The following MMP16 variants were observed in gnomAD, a reference collection of about 807,000 sequenced individuals.
MMP16 encodes matrix metalloproteinase-16.
Under a neutral mutation model 67.8 loss-of-function variants are expected in MMP16, and 12 were observed. That is an observed-to-expected ratio of 0.18 (90% confidence interval 0.11 to 0.29). The LOEUF is 0.29. MMP16 is among the 10% of genes least tolerant of loss of function. The pLI is 1.00. For missense variants in MMP16, 475 were observed against 765.7 expected, an observed-to-expected ratio of 0.62 and a Z score of 4.48; for synonymous variants, 249 against 255.9, an observed-to-expected ratio of 0.97 and a Z score of 0.26.
chr8:88,295,598 CT>C (rs1810999391), intron 1 of MMP16, among the ~76,000 whole-genome samples: 1 of 149,338 alleles, frequency 6.7e-6, no homozygotes, highest in Non-Finnish European at 1.5e-5. Flanking sequence ...GAGTGATGAT[CT>C]CAAGTTTCCA....
intron 1 of MMP16, among the ~76,000 whole-genome samples, chr8:88,250,590 ATATC>A (rs1394265714): frequency 1.3e-5 from 2 of 151,946 alleles, no homozygotes; most frequent in African/African-American, 4.8e-5. Flanking sequence ...ATCATGAACA[ATATC>A]TATCCTATAC....
chr8:88,036,312 C>G lies in MMP16; in HGVS notation c.*5149G>C, dbSNP rs931516529. ...GATTTTTTTCCTCCACTATTTTATGCTTGCTAAAGTAAAATTTCCAGTTGT... is the reference window on the plus strand; with the variant it reads ...GATTTTTTTCCTCCACTATTTTATGGTTGCTAAAGTAAAATTTCCAGTTGT... On this transcript the variant is annotated 3_prime_UTR_variant, in exon 10 of 10. Coordinates refer to ENST00000286614, the MANE Select transcript of MMP16 (RefSeq NM_005941.5). The G allele has an allele frequency of 1.3e-5, 2 of 151,734 alleles. No individual in the cohort carries two copies. Among genetic ancestry groups the G allele is most frequent in the African/African-American group, 4.8e-5 (2 of 41,378 alleles). 9.4% of individuals were successfully genotyped at this position (151,734 alleles called of 1,614,324 possible).
At chr8:88,289,721 CA>C (rs1563585469) in intron 1 of MMP16, among the ~76,000 whole-genome samples, 9 of 151,532 alleles carry the variant, frequency 5.9e-5, no homozygotes, top group South Asian at 2.1e-4. Flanking sequence ...CACACACACA[CA>C]CACACACACC....
At chr8:88,053,363 T>C (rs1196630088) in intron 8 of MMP16, among the ~76,000 whole-genome samples, 3 of 152,226 alleles carry the variant, frequency 2.0e-5, no homozygotes, top group Non-Finnish European at 4.4e-5. Context: ...CTGGAGTTTT[T>C]GCACTTTCCA....
At chr8:88,188,000 G>C (rs1325378201) in intron 2 of MMP16, among the ~76,000 whole-genome samples, 1 of 152,124 alleles carries the variant, frequency 6.6e-6, no homozygotes, top group Non-Finnish European at 1.5e-5. Context: ...GAGATCAGAG[G>C]CCTCTCATTT....
Position 88,116,542 on chromosome 8 carries a change from G to A in MMP16, c.1048C>T (p.Leu350=). ...PNICDGNFNT[L]AILRREMFVF... ...AACATCTCACGACGAAGAATAGCTA[G>A]AGTGTTAAAGTTCCCATCACAGATG... Residue 350 remains leucine (L), a synonymous_variant, in exon 6 of 10, where the codon CTA becomes TTA. Coordinates refer to ENST00000286614, the MANE Select transcript of MMP16 (RefSeq NM_005941.5). 1 of 1,613,638 alleles carries A rather than the reference G, an allele frequency of 6.2e-7. No homozygotes were observed. The highest frequency in any genetic ancestry group is 1.7e-4 in the Middle Eastern group (1 of 6,060).
intron 1 of MMP16, among the ~76,000 whole-genome samples, chr8:88,323,229 T>C (rs1811487141): frequency 6.6e-6 from 1 of 152,282 alleles, no homozygotes. Flanking sequence ...AACATAAGAA[T>C]GTAAAATTCT....
intron 1 of MMP16, among the ~76,000 whole-genome samples, chr8:88,255,447 A>G (rs1563575247): frequency 6.6e-6 from 1 of 152,154 alleles, no homozygotes; most frequent in South Asian, 2.1e-4. Context: ...TCTTTATAGC[A>G]GTGTAACAGA....
chr8:88,067,361 T>A (rs986885120), intron 7 of MMP16, among the ~76,000 whole-genome samples: 1 of 152,112 alleles, frequency 6.6e-6, no homozygotes, highest in African/African-American at 2.4e-5. Context: ...TCAGTATATT[T>A]AAATGTATGA....
intron 1 of MMP16, among the ~76,000 whole-genome samples, chr8:88,215,273 T>A (rs1204882751): frequency 6.6e-6 from 1 of 151,638 alleles, no homozygotes; most frequent in Admixed American, 6.6e-5. Flanking sequence ...GAGGTTGCAG[T>A]GAGCTGAGAT....
intron 4 of MMP16, among the ~76,000 whole-genome samples, chr8:88,137,507 C>G (rs777072336): frequency 1.2e-4 from 18 of 151,914 alleles, no homozygotes; most frequent in Non-Finnish European, 2.5e-4. Context: ...CCTCTTCTGA[C>G]TGCATTTAAG....
intron 1 of MMP16, among the ~76,000 whole-genome samples, chr8:88,325,660 C>T (rs1309580753): frequency 1.3e-5 from 2 of 152,144 alleles, no homozygotes; most frequent in African/African-American, 4.8e-5. Context: ...AAAGTCTGGA[C>T]TTTCAAGCCC....
At chr8:88,112,693 A>G (rs373907650) in intron 6 of MMP16, among the ~76,000 whole-genome samples, 208 of 24,378 alleles carry the variant, frequency 8.5e-3, no homozygotes, top group Non-Finnish European at 0.013. Flanking sequence ...GTCTGTGTGT[A>G]TGTATGTATG....
chr8:88,272,315 T>A (rs959053324), intron 1 of MMP16, among the ~76,000 whole-genome samples: 6 of 152,156 alleles, frequency 3.9e-5, no homozygotes, highest in Admixed American at 3.9e-4. Flanking sequence ...TGAACAAGAA[T>A]AAAGTTATGT....
chr8:88,061,127 TACAC>T (rs149547108), intron 7 of MMP16, among the ~76,000 whole-genome samples: 9,552 of 143,028 alleles, frequency 0.067, 627 homozygotes, highest in African/African-American at 0.15. Flanking sequence ...CTGAATATTA[TACAC>T]ACACACACAC....
Position 88,197,861 on chromosome 8 carries a change from T to A in MMP16, c.133-555A>T, listed in dbSNP as rs141517089. 2.3e-3 allele frequency among the ~76,000 whole-genome samples: 357 copies of A among 152,312 alleles called. 1 individual carries two copies. Among genetic ancestry groups the A allele is most frequent in the African/African-American group, 8.3e-3 (343 of 41,572 alleles). ...CATTCTATCCAATCGTAGCTAGGTATCTTTTGATGACTTTACCAGGTAAAG... is the reference window on the plus strand; with the variant it reads ...CATTCTATCCAATCGTAGCTAGGTAACTTTTGATGACTTTACCAGGTAAAG... On this transcript the variant is annotated intron_variant, in intron 1 of 9. Coordinates refer to ENST00000286614, the MANE Select transcript of MMP16 (RefSeq NM_005941.5).
chr8:88,061,046 T>A (rs1003876554), intron 7 of MMP16, among the ~76,000 whole-genome samples: 1 of 151,720 alleles, frequency 6.6e-6, no homozygotes, highest in Non-Finnish European at 1.5e-5. Context: ...TTTATTTAAG[T>A]GATTATATTT....
chr8:88,229,347 AG>A (rs1377225191), intron 1 of MMP16, among the ~76,000 whole-genome samples: 6 of 152,112 alleles, frequency 3.9e-5, no homozygotes, highest in Admixed American at 2.0e-4. Flanking sequence ...CACATATGCT[AG>A]GGTAAACTAA....
intron 8 of MMP16, among the ~76,000 whole-genome samples, chr8:88,051,269 G>C (rs779179816): frequency 5.9e-5 from 9 of 152,050 alleles, no homozygotes; most frequent in Non-Finnish European, 8.8e-5. Context: ...TCTTCCCCCT[G>C]AAAAATAAGC....
Sources: gnomAD v4.1 joint callset for allele counts (sites outside exome capture counted in the v4.1 genomes callset) on GRCh38, gnomAD v4.1.1 for gene constraint, MANE v1.5 for transcripts, NCBI Gene and HGNC (gene_info 2026-07-23, HGNC 2026-07-21) for gene names.